Variants in ZEB2 observed in about 807,000 individuals in gnomAD.
ZEB2 encodes the protein zinc finger E-box-binding homeobox 2.
ZEB2 carries 6 observed loss-of-function variants against 99.9 expected under a neutral mutation model. That is an observed-to-expected ratio of 0.06 (90% CI 0.03 to 0.12). ZEB2 has a LOEUF of 0.12. Among genes scored for constraint, ZEB2 ranks in the 10% least tolerant of loss-of-function variants. The pLI, the probability that ZEB2 is intolerant of heterozygous loss-of-function variation, is 1.00. For missense variants in ZEB2, 969 were observed against 1,502.8 expected (o/e 0.64, Z 5.87); for synonymous variants, 517 against 542.5 (o/e 0.95, Z 0.65).
chr2:144,387,914 GA>G lies in ZEB2; in HGVS notation c.*1536del, dbSNP rs1296762317. ...AATTATTGCTAAACTAAAATTATAT[GA>G]AAAAAACATAATTAGCATTATTATA... On this transcript the variant is annotated 3_prime_UTR_variant, in exon 10 of 10. Coordinates refer to ENST00000627532, the MANE Select transcript of ZEB2 (RefSeq NM_014795.4). The G allele has an allele frequency of 3.3e-5, 5 of 152,226 alleles. No individual in the cohort carries two copies. The highest frequency in any genetic ancestry group is 4.8e-5 in the African/African-American group (2 of 41,360). 9.4% of individuals were successfully genotyped at this position (152,226 alleles called of 1,614,324 possible). A position where few individuals can be genotyped will look rare whatever the true frequency, so the allele number is the denominator to read the frequency against.
intron 2 of ZEB2, among the ~76,000 whole-genome samples, chr2:144,437,564 C>T (rs1703854846): frequency 6.6e-6 from 1 of 152,006 alleles, no homozygotes. Flanking sequence ...GAAGGATATT[C>T]AAGAGGAATG....
intron 1 of ZEB2, chr2:144,519,453 A>C: frequency 1.3e-5 from 2 of 153,780 alleles, no homozygotes; most frequent in Admixed American, 6.4e-5. Flanking sequence ...GTCTAAGAGA[A>C]AGACTTGCCC....
At chr2:144,492,829 T>G (rs1704701570) in intron 2 of ZEB2, among the ~76,000 whole-genome samples, 1 of 152,274 alleles carries the variant, frequency 6.6e-6, no homozygotes, top group African/African-American at 2.4e-5. Flanking sequence ...AGCTTTTTTC[T>G]ACATATGATA....
intron 2 of ZEB2, among the ~76,000 whole-genome samples, chr2:144,439,198 C>T (rs925397520): frequency 6.6e-6 from 1 of 151,898 alleles, no homozygotes; most frequent in Non-Finnish European, 1.5e-5. Context: ...CTTTCCTCAC[C>T]CCTGTATAAA....
At chr2:144,515,651 G>A (rs938167245) in intron 2 of ZEB2, among the ~76,000 whole-genome samples, 1 of 151,790 alleles carries the variant, frequency 6.6e-6, no homozygotes, top group Non-Finnish European at 1.5e-5. Flanking sequence ...ATAGATCAAA[G>A]ACAGCACAAA....
intron 4 of ZEB2, among the ~76,000 whole-genome samples, chr2:144,413,013 G>T (rs1024361075): frequency 1.3e-5 from 2 of 152,174 alleles, no homozygotes; most frequent in Non-Finnish European, 2.9e-5. Flanking sequence ...TCATGTTTTT[G>T]AATTTCAATT....
At chr2:144,513,350 C>G (rs887049353) in intron 2 of ZEB2, 177 of 1,312,006 alleles carry the variant, frequency 1.3e-4, no homozygotes, top group Non-Finnish European at 1.7e-4. Context: ...TTCTTTGCCA[C>G]TGAAGTTCAG....
chr2:144,411,360 G>T (rs1033378745), intron 4 of ZEB2, among the ~76,000 whole-genome samples: 1 of 151,938 alleles, frequency 6.6e-6, no homozygotes, highest in Admixed American at 6.6e-5. Context: ...GTAGTCATTT[G>T]TATTGAGTTT....
Position 144,386,694 on chromosome 2 carries a change from G to A in ZEB2, c.*2757C>T, listed in dbSNP as rs1410480164. On this transcript the variant is annotated 3_prime_UTR_variant, in exon 10 of 10. Coordinates refer to ENST00000627532, the MANE Select transcript of ZEB2 (RefSeq NM_014795.4). ...CAGAGACCTACATTGCTTTAAAAGA[G>A]GCCACAGGGATTTATTCTACCCGGA... The A allele has an allele frequency of 6.6e-6, 1 of 152,080 alleles. No individual in the cohort carries two copies. Among genetic ancestry groups the A allele is most frequent in the South Asian group, 2.1e-4 (1 of 4,824 alleles). The allele number at this position is 152,080 out of a possible 1,614,324, so 9.4% of individuals were successfully genotyped here. A position where few individuals can be genotyped will look rare whatever the true frequency, so the allele number is the denominator to read the frequency against.
chr2:144,406,716 G>C (rs1481999001), intron 4 of ZEB2, among the ~76,000 whole-genome samples: 1 of 152,196 alleles, frequency 6.6e-6, no homozygotes, highest in African/African-American at 2.4e-5. Flanking sequence ...AAAAGAAGCA[G>C]GAAGCTATTG....
intron 2 of ZEB2, chr2:144,450,159 A>G (rs1043288751): frequency 6.6e-6 from 1 of 150,554 alleles, no homozygotes; most frequent in Non-Finnish European, 1.5e-5. Flanking sequence ...AATTCCAGGT[A>G]TACCACTGGA....
intron 4 of ZEB2, among the ~76,000 whole-genome samples, chr2:144,424,191 A>C (rs10928212): frequency 0.19 from 28,835 of 152,134 alleles, 2,898 homozygotes; most frequent in South Asian, 0.3. Context: ...ACCACTCAGT[A>C]TCTTCCCACT....
At chr2:144,479,377 T>G (rs1223544382) in intron 2 of ZEB2, among the ~76,000 whole-genome samples, 1 of 152,090 alleles carries the variant, frequency 6.6e-6, no homozygotes, top group African/African-American at 2.4e-5. Flanking sequence ...GCCTTTCTTG[T>G]CTAGTTCACA....
At chr2:144,465,145 T>C (rs1704254386) in intron 2 of ZEB2, among the ~76,000 whole-genome samples, 1 of 152,180 alleles carries the variant, frequency 6.6e-6, no homozygotes, top group South Asian at 2.1e-4. Context: ...AGAAAACCCT[T>C]TCCTGGATTC....
intron 2 of ZEB2, among the ~76,000 whole-genome samples, chr2:144,501,504 G>C (rs981067805): frequency 6.6e-6 from 1 of 152,162 alleles, no homozygotes; most frequent in Admixed American, 6.5e-5. Context: ...AGTCATGTTG[G>C]TCCTAGCCAT....
intron 2 of ZEB2, among the ~76,000 whole-genome samples, chr2:144,441,646 A>T (rs1221713210): frequency 6.6e-6 from 1 of 152,002 alleles, no homozygotes; most frequent in Non-Finnish European, 1.5e-5. Context: ...TGTACTTACA[A>T]TTTTTTTACT....
At chr2:144,426,502 C>T (rs1703692414) in intron 3 of ZEB2, 1 of 131,240 alleles carries the variant, frequency 7.6e-6, no homozygotes, top group Non-Finnish European at 1.6e-5. Flanking sequence ...CAGTTAACAG[C>T]ATTTTTTTTT....
At chr2:144,479,285 G>T (rs1704474117) in intron 2 of ZEB2, among the ~76,000 whole-genome samples, 1 of 152,114 alleles carries the variant, frequency 6.6e-6, no homozygotes, top group Admixed American at 6.5e-5. Flanking sequence ...TGTTTCCCCG[G>T]ATTCTTTTGC....
intron 2 of ZEB2, among the ~76,000 whole-genome samples, chr2:144,441,164 CGAGA>C (rs113731061): frequency 0.056 from 4,986 of 88,794 alleles, 233 homozygotes; most frequent in African/African-American, 0.16. Context: ...TTTAGCTGCA[CGAGA>C]GAGAGAGAGA....
Sources: gnomAD v4.1 joint callset for allele counts (sites outside exome capture counted in the v4.1 genomes callset) on GRCh38, gnomAD v4.1.1 for gene constraint, MANE v1.5 for transcripts, NCBI Gene and HGNC (gene_info 2026-07-23, HGNC 2026-07-21) for gene names.